The following PPP6R2 variants were observed in gnomAD, a reference collection of about 807,000 sequenced individuals.
The protein encoded by PPP6R2 is serine/threonine-protein phosphatase 6 regulatory subunit 2.
A neutral mutation model predicts 100.2 loss-of-function variants in PPP6R2; 62 were observed. The ratio of observed to expected loss-of-function variants is 0.62; its 90% CI spans 0.50 to 0.76. The LOEUF (loss-of-function observed/expected upper bound fraction) is 0.76. Ranked by LOEUF, PPP6R2 falls within the 30% of genes least tolerant of loss-of-function variation. The pLI is 0.00. For synonymous variants in PPP6R2, 525 were observed against 514.7 expected (o/e 1.02, Z -0.27); for missense variants, 1,142 against 1,276.3 (o/e 0.89, Z 1.60).
chr22:50,400,888 AT>A (rs1428267111), intron 3 of PPP6R2, among the ~76,000 whole-genome samples: 2 of 152,056 alleles, frequency 1.3e-5, no homozygotes, highest in Non-Finnish European at 2.9e-5. Context: ...TTTCTTTGAT[AT>A]TTTCCCTCTT....
At chr22:50,432,830 G>C (rs756603890) in intron 12 of PPP6R2, among the ~76,000 whole-genome samples, 4 of 152,254 alleles carry the variant, frequency 2.6e-5, no homozygotes, top group Non-Finnish European at 5.9e-5. Context: ...TATGAGGAGG[G>C]ACTCCAGGGA....
chr22:50,433,552 T>G (rs1403372634), intron 12 of PPP6R2, among the ~76,000 whole-genome samples: 13 of 80,516 alleles, frequency 1.6e-4, no homozygotes, highest in Non-Finnish European at 2.1e-4. Context: ...GCGCGGACGC[T>G]GGGCAGGGGC....
chr22:50,440,061 C>G lies in PPP6R2; in HGVS notation c.2374+12C>G. On this transcript the variant is annotated intron_variant, in intron 21 of 23. Coordinates refer to ENST00000612753, the MANE Select transcript of PPP6R2 (RefSeq NM_001242898.2). ...CCCTGAGAAAGCCTGTGAGTAGGAG[C>G]AGTGCAGGCGGCACCCAGCCTTGCC... 2 of 1,607,046 alleles carry G rather than the reference C, an allele frequency of 1.2e-6. No homozygotes were observed. Among genetic ancestry groups the G allele is most frequent in the Non-Finnish European group, 1.7e-6 (2 of 1,175,418 alleles).
At chr22:50,399,802 G>A (rs2057724574) in intron 3 of PPP6R2, among the ~76,000 whole-genome samples, 1 of 152,242 alleles carries the variant, frequency 6.6e-6, no homozygotes, top group East Asian at 1.9e-4. Context: ...TAAGATGGCT[G>A]GTCACCTTCT....
chr22:50,366,161 T>C (rs1383788693), intron 1 of PPP6R2, among the ~76,000 whole-genome samples: 4 of 152,176 alleles, frequency 2.6e-5, no homozygotes. Flanking sequence ...GGTGGAACCC[T>C]AGTAATTTTT....
At chr22:50,400,881 C>A (rs1269359686) in intron 3 of PPP6R2, among the ~76,000 whole-genome samples, 1 of 152,124 alleles carries the variant, frequency 6.6e-6, no homozygotes, top group Non-Finnish European at 1.5e-5. Context: ...CATATTGTTT[C>A]TTTGATATTT....
intron 22 of PPP6R2, 60 bp downstream of exon 22, chr22:50,441,086 T>C (rs2065479554): frequency 7.3e-7 from 1 of 1,372,210 alleles, no homozygotes; most frequent in South Asian, 1.4e-5. Context: ...TTCCAGGCTC[T>C]GTCCCCAGGT....
chr22:50,443,756 T>C (rs921362320), intron 22 of PPP6R2, 110 bp from the exon 23 acceptor site: 18 of 1,416,070 alleles, frequency 1.3e-5, no homozygotes, highest in Non-Finnish European at 1.6e-5. Context: ...GGGCCAAAGA[T>C]GGTGCTCCCA....
At chr22:50,393,395 T>G in intron 2 of PPP6R2, 1 of 985,348 alleles carries the variant, frequency 1.0e-6, no homozygotes. Flanking sequence ...TGTGAGACTT[T>G]CAGAGGGGAG....
chr22:50,405,005 G>A (rs186672521), intron 3 of PPP6R2, among the ~76,000 whole-genome samples: 147 of 152,326 alleles, frequency 9.7e-4, no homozygotes, highest in African/African-American at 3.4e-3. Flanking sequence ...ACAAAAGAGG[G>A]AGCAAAGTAC....
At chr22:50,380,530 T>A (rs541856704) in intron 2 of PPP6R2, among the ~76,000 whole-genome samples, 14 of 151,358 alleles carry the variant, frequency 9.2e-5, no homozygotes, top group African/African-American at 3.1e-4. Flanking sequence ...GCAGCTAATT[T>A]TTGTATTTTT....
At chr22:50,384,469 C>T (rs1373530468) in intron 2 of PPP6R2, among the ~76,000 whole-genome samples, 1 of 152,116 alleles carries the variant, frequency 6.6e-6, no homozygotes, top group South Asian at 2.1e-4. Flanking sequence ...GCAGGAGAAT[C>T]GCTTGAACTT....
At chr22:50,331,136 G>C in the PPP6R2 span, among the ~76,000 whole-genome samples, 1 of 152,176 alleles carries the variant, frequency 6.6e-6, no homozygotes, top group African/African-American at 2.4e-5. Flanking sequence ...CATGCATGTT[G>C]TTGCATGTAC....
At chr22:50,380,763 G>C (rs1456170560) in intron 2 of PPP6R2, among the ~76,000 whole-genome samples, 3 of 150,986 alleles carry the variant, frequency 2.0e-5, no homozygotes, top group Admixed American at 6.6e-5. Context: ...GCCGAGGCGG[G>C]TGGATCACGA....
chr22:50,432,238 A>G (rs1404667936), intron 11 of PPP6R2, 27 bp from the exon 12 acceptor site: 2 of 1,545,560 alleles, frequency 1.3e-6, no homozygotes, highest in Admixed American at 2.0e-5. Flanking sequence ...ACCCTGACTC[A>G]CGCTGTCCCC....
At chr22:50,379,911 T>C (rs2052499147) in intron 2 of PPP6R2, among the ~76,000 whole-genome samples, 1 of 152,100 alleles carries the variant, frequency 6.6e-6, no homozygotes, top group African/African-American at 2.4e-5. Context: ...AATATAATAA[T>C]ATCTATGGGG....
chr22:50,407,977 A>C (rs1199123972), intron 4 of PPP6R2, among the ~76,000 whole-genome samples: 3 of 152,070 alleles, frequency 2.0e-5, no homozygotes, highest in African/African-American at 7.2e-5. Context: ...CAACCTCCTC[A>C]AGCTCAGGTG....
intron 5 of PPP6R2, 89 bp downstream of exon 5, chr22:50,414,778 G>A (rs549171327): frequency 2.4e-5 from 34 of 1,439,446 alleles, no homozygotes; most frequent in Non-Finnish European, 2.8e-5. Flanking sequence ...GCACCAGGGC[G>A]CCCGGCCCCC....
At position 50,424,630 on chromosome 22, in the gene PPP6R2, C is replaced by CTT. The variant is rs1483954681; in HGVS notation, c.1125+1017_1125+1018dup. Reference sequence around the variant, plus strand: ...GAGACCTACTTTCCTTTTCCCTCTTCTTCTTTTTTTTTTTTTTTTTTTTTT... The same window carrying CTT: ...GAGACCTACTTTCCTTTTCCCTCTTCTTTTCTTTTTTTTTTTTTTTTTTTTTT... On this transcript the variant is annotated intron_variant, in intron 10 of 23. Transcript: ENST00000612753. Among the ~76,000 whole-genome samples the CTT allele has an allele frequency of 3.7e-3, 374 of 101,138 alleles. 3 individuals carry two copies. The highest frequency in any genetic ancestry group is 0.015 in the Middle Eastern group (3 of 200). 66.4% of individuals were successfully genotyped at this position (101,138 alleles called of 152,430 possible). A position where few individuals can be genotyped will look rare whatever the true frequency, so the allele number is the denominator to read the frequency against.
Sources: gnomAD v4.1 joint callset for allele counts (sites outside exome capture counted in the v4.1 genomes callset) on GRCh38, gnomAD v4.1.1 for gene constraint, MANE v1.5 for transcripts, NCBI Gene and HGNC (gene_info 2026-07-23, HGNC 2026-07-21) for gene names.